ZFHX4: variants seen among roughly 807,000 people sequenced by gnomAD.
The protein encoded by ZFHX4 is zinc finger homeobox protein 4.
In ZFHX4, 56 loss-of-function variants were observed where a neutral mutation model predicts 267.6. That is an observed-to-expected ratio of 0.21 (90% CI 0.17 to 0.26). The LOEUF (loss-of-function observed/expected upper bound fraction) is 0.26, where lower values mean the gene tolerates loss of function less well. ZFHX4 is among the 10% of genes least tolerant of loss of function. ZFHX4 has a pLI of 1.00. For missense variants in ZFHX4, 4,332 were observed against 4,420.0 expected (o/e 0.98, Z 0.56); for synonymous variants, 1,778 against 1,665.6 (o/e 1.07, Z -1.64).
intron 4 of ZFHX4, among the ~76,000 whole-genome samples, chr8:76,785,606 A>G (rs892518685): frequency 5.3e-5 from 8 of 152,094 alleles, no homozygotes; most frequent in Admixed American, 5.2e-4. Context: ...TAGGTTTGTG[A>G]CCACTGACAG....
At chr8:76,692,720 A>G (rs1807855904) in intron 1 of ZFHX4, among the ~76,000 whole-genome samples, 1 of 151,996 alleles carries the variant, frequency 6.6e-6, no homozygotes, top group African/African-American at 2.4e-5. Context: ...TTTTTAATAC[A>G]TTTTTCATTG....
intron 4 of ZFHX4, among the ~76,000 whole-genome samples, chr8:76,804,312 T>C (rs1811193149): frequency 6.6e-6 from 1 of 152,128 alleles, no homozygotes; most frequent in South Asian, 2.1e-4. Flanking sequence ...TAATTTTTAA[T>C]TTAAAAACTA....
In ZFHX4 at chr8:76,707,746, C is replaced by A. The variant is rs1481047045; in HGVS notation, c.2791C>A (p.Pro931Thr). 1.2e-6 allele frequency: 2 copies of A among 1,613,748 alleles called. No homozygotes were observed. Among genetic ancestry groups the A allele is most frequent in the Non-Finnish European group, 8.5e-7 (1 of 1,179,842 alleles). ...GCATGTGAGCAGTGAGCGCTCTCTC[C>A]CTGAAGAGGAATGGAGGGCAGTAAT... Reference protein sequence around the residue: ...SVHVSSERSLPEEEWRAVIGD... With the variant: ...SVHVSSERSLTEEEWRAVIGD... The change falls in exon 3 of 11, where the codon CCT becomes ACT. Residue 931 changes from proline (P) to threonine (T), a missense_variant. Physicochemically the swap from Pro to Thr is conservative, Grantham distance 38 (BLOSUM62 -1). Transcript: ENST00000651372.
Position 76,854,345 on chromosome 8 carries a change from T to C in ZFHX4, c.7424T>C (p.Leu2475Pro). 1 of 1,613,848 alleles carries C rather than the reference T, an allele frequency of 6.2e-7. No individual in the cohort carries two copies. The highest frequency in any genetic ancestry group is 8.5e-7 in the Non-Finnish European group (1 of 1,179,858). Residue 2475 changes from leucine to proline, a missense_variant, in exon 10 of 11, where the codon CTG becomes CCG. Coordinates refer to ENST00000651372, the MANE Select transcript of ZFHX4 (RefSeq NM_024721.5). ...CAAACACCGGTCCCTTCCAGTCCAC[T>C]GCAAATTTCCATGACGTCTCTCCAG... is the stretch of plus-strand genomic sequence containing the variant. ...ASQTPVPSSP[L>P]QISMTSLQNS...
intron 4 of ZFHX4, among the ~76,000 whole-genome samples, chr8:76,796,842 T>C (rs994931071): frequency 6.6e-5 from 10 of 152,200 alleles, no homozygotes; most frequent in South Asian, 2.1e-4. Flanking sequence ...AAGAGGTGTT[T>C]TTGTTTTTAG....
intron 1 of ZFHX4, among the ~76,000 whole-genome samples, chr8:76,688,320 G>T (rs1460621370): frequency 6.6e-6 from 1 of 152,098 alleles, no homozygotes; most frequent in South Asian, 2.1e-4. Flanking sequence ...CACTTCACTT[G>T]GGAAAGAGTT....
chr8:76,691,410 A>G (rs1005118844), intron 1 of ZFHX4, among the ~76,000 whole-genome samples: 3 of 152,118 alleles, frequency 2.0e-5, no homozygotes, highest in African/African-American at 7.2e-5. Flanking sequence ...CAACACTTCA[A>G]TTCCGTGTAA....
intron 3 of ZFHX4, among the ~76,000 whole-genome samples, chr8:76,753,829 T>A (rs1409062412): frequency 6.6e-6 from 1 of 152,124 alleles, no homozygotes; most frequent in Non-Finnish European, 1.5e-5. Flanking sequence ...AGTCTTACTA[T>A]GTTGCCCAGG....
chr8:76,859,955 A>C (rs1056404368), intron 10 of ZFHX4, among the ~76,000 whole-genome samples: 4 of 152,110 alleles, frequency 2.6e-5, no homozygotes, highest in Non-Finnish European at 4.4e-5. Context: ...GTATGAGATT[A>C]TTTACAGAAA....
In ZFHX4 at chr8:76,855,205, C is replaced by G. The variant is rs1338040271; in HGVS notation, c.8284C>G (p.Leu2762Val). The G allele has an allele frequency of 1.2e-6, 2 of 1,612,838 alleles. No homozygotes were observed. The change falls in exon 10 of 11, where the codon CTG becomes GTG. Residue 2762 changes from leucine (L) to valine (V), a missense_variant. Physicochemically the swap from Leu to Val is conservative, Grantham distance 32 (BLOSUM62 1). Transcript: ENST00000651372. ...VSTPVSKTAE[L>V]SPKNLLSPSS... ...AACACCTGTTAGTAAAACAGCAGAG[C>G]TGTCACCGAAGAATCTTTTAAGCCC...
intron 4 of ZFHX4, among the ~76,000 whole-genome samples, chr8:76,782,537 T>C (rs1394107409): frequency 6.6e-6 from 1 of 152,004 alleles, no homozygotes; most frequent in African/African-American, 2.4e-5. Context: ...ATTCAGTATA[T>C]TACATTTTTA....
chr8:76,691,782 ATAAG>A (rs2131584438), intron 1 of ZFHX4, among the ~76,000 whole-genome samples: 1 of 152,250 alleles, frequency 6.6e-6, no homozygotes, highest in South Asian at 2.1e-4. Flanking sequence ...GAACATTAAA[ATAAG>A]TGATTGTGGG....
At chr8:76,732,872 C>T (rs1809058787) in intron 3 of ZFHX4, among the ~76,000 whole-genome samples, 1 of 152,062 alleles carries the variant, frequency 6.6e-6, no homozygotes, top group African/African-American at 2.4e-5. Flanking sequence ...TTAAAATAAT[C>T]TTCAAAGCAG....
chr8:76,686,417 C>A (rs923354861), intron 1 of ZFHX4, among the ~76,000 whole-genome samples: 2 of 152,156 alleles, frequency 1.3e-5, no homozygotes, highest in African/African-American at 4.8e-5. Context: ...ATTTGCAGAA[C>A]TACTTTTTAT....
In ZFHX4 at chr8:76,852,679, C is replaced by T. The variant is rs995619645; in HGVS notation, c.5758C>T (p.Leu1920=). The T allele has an allele frequency of 1.2e-6, 2 of 1,613,828 alleles. No individual in the cohort carries two copies. The highest frequency in any genetic ancestry group is 2.2e-5 in the South Asian group (2 of 91,076). The change falls in exon 10 of 11, where the codon CTG becomes TTG. Residue 1920 remains leucine, a synonymous_variant. Transcript: ENST00000651372. The part of the protein sequence containing the change: ...KALLENFGFE[L]VIQYNENRQK... ...GTTATTGGAAAACTTTGGTTTTGAA[C>T]TGGTCATTCAGTATAACGAAAACAG... is the stretch of plus-strand genomic sequence containing the variant.
intron 4 of ZFHX4, among the ~76,000 whole-genome samples, chr8:76,799,029 A>G (rs1300081525): frequency 6.6e-6 from 1 of 152,216 alleles, no homozygotes; most frequent in African/African-American, 2.4e-5. Context: ...TACAATAAGA[A>G]TGTTTCATTT....
Position 76,705,722 on chromosome 8 carries a change from G to A in ZFHX4, c.1634G>A (p.Ser545Asn), listed in dbSNP as rs759687521. The A allele has an allele frequency of 1.2e-6, 2 of 1,614,052 alleles. No individual in the cohort carries two copies. The highest frequency in any genetic ancestry group is 8.5e-7 in the Non-Finnish European group (1 of 1,179,900). Residue 545 changes from serine (S) to asparagine (N), a missense_variant, in exon 2 of 11, where the codon AGT (serine) becomes AAT (asparagine). By Grantham distance (46) the Ser-to-Asn change is conservative. Around this residue, in one of 7 missense-constraint regions of ZFHX4, gnomAD observed 1,195 missense variants for 1,173.6 expected, o/e 1.02. Coordinates refer to ENST00000651372, the MANE Select transcript of ZFHX4 (RefSeq NM_024721.5). ...AAACAGACTGCTGCTGTTAGGGCCA[G>A]TGGCAGTGTTGCTAGTAACTATGGC... is the stretch of plus-strand genomic sequence containing the variant. ...KKKQTAAVRA[S>N]GSVASNYGIS... is the part of the protein sequence containing the mutation.
chr8:76,689,166 T>G (rs1188988777), intron 1 of ZFHX4, among the ~76,000 whole-genome samples: 1 of 152,118 alleles, frequency 6.6e-6, no homozygotes, highest in Non-Finnish European at 1.5e-5. Flanking sequence ...AAAATCCACA[T>G]GGAGGCTATT....
At position 76,853,401 on chromosome 8, in the gene ZFHX4, G is replaced by C. The variant is rs267602003; in HGVS notation, c.6480G>C (p.Gln2160His). ...INNSPSEEQI[Q>H]EMAEKSGLSQ... Reference sequence around the variant, plus strand: ...ATTCTCCAAGTGAAGAACAGATCCAGGAAATGGCAGAGAAATCTGGCCTCT... The same window carrying C: ...ATTCTCCAAGTGAAGAACAGATCCACGAAATGGCAGAGAAATCTGGCCTCT... Residue 2160 changes from glutamine to histidine, a missense_variant, in exon 10 of 11, where the codon CAG becomes CAC. Gln to His is a conservative substitution (Grantham distance 24). Coordinates refer to ENST00000651372, the MANE Select transcript of ZFHX4 (RefSeq NM_024721.5). The C allele has an allele frequency of 1.9e-6, 3 of 1,613,692 alleles. No homozygotes were observed. The Admixed American group carries it at 5.0e-5, about 27-fold the overall frequency.
Sources: gnomAD v4.1 joint callset for allele counts (sites outside exome capture counted in the v4.1 genomes callset) on GRCh38, gnomAD v4.1.1 for gene constraint, gnomAD v4.1.1 regional missense constraint, MANE v1.5 for transcripts, NCBI Gene and HGNC (gene_info 2026-07-23, HGNC 2026-07-21) for gene names.